Variants in ADGRL3 observed in about 807,000 individuals in gnomAD.
ADGRL3 encodes the protein adhesion G protein-coupled receptor L3.
Under a neutral mutation model 153.5 loss-of-function variants are expected in ADGRL3, and 62 were observed. That is an observed-to-expected ratio of 0.40 (90% CI 0.33 to 0.50). The LOEUF (loss-of-function observed/expected upper bound fraction) is 0.50. Among genes scored for constraint, ADGRL3 ranks in the 20% least tolerant of loss-of-function variants. ADGRL3 has a pLI of 0.47. For missense variants in ADGRL3, 1,641 were observed against 1,859.4 expected (o/e 0.88, Z 2.16); for synonymous variants, 710 against 672.5 (o/e 1.06, Z -0.86).
intron 9 of ADGRL3, among the ~76,000 whole-genome samples, chr4:61,867,539 T>TATATATATATATATATATATATATA (rs1001275572): frequency 7.2e-6 from 1 of 138,742 alleles, no homozygotes; most frequent in Non-Finnish European, 1.6e-5. Flanking sequence ...TATATATATA[T>TATATATATATATATATATATATATA]AATTGTAGGA....
At chr4:61,839,871 G>T (rs1383702808) in intron 9 of ADGRL3, among the ~76,000 whole-genome samples, 3 of 151,412 alleles carry the variant, frequency 2.0e-5, no homozygotes, top group Non-Finnish European at 4.4e-5. Flanking sequence ...GATCACTTGA[G>T]CTCAGGAGTT....
chr4:61,209,017 A>G (rs913392149), intron 1 of ADGRL3, among the ~76,000 whole-genome samples: 19 of 152,248 alleles, frequency 1.2e-4, no homozygotes, highest in African/African-American at 3.9e-4. Context: ...ATACTTTTAA[A>G]TGAGACTTTG....
chr4:61,561,985 A>G (rs1487859458), intron 4 of ADGRL3, among the ~76,000 whole-genome samples: 1 of 151,980 alleles, frequency 6.6e-6, no homozygotes. Flanking sequence ...TCACATATCT[A>G]TATCTATATC....
intron 12 of ADGRL3, among the ~76,000 whole-genome samples, chr4:61,912,005 CA>C (rs1342620898): frequency 6.6e-6 from 1 of 152,266 alleles, no homozygotes; most frequent in African/African-American, 2.4e-5. Flanking sequence ...CCCAGAAAGA[CA>C]TCACTCTCTA....
At chr4:61,724,331 C>A (rs1199233965) in intron 6 of ADGRL3, among the ~76,000 whole-genome samples, 2 of 152,114 alleles carry the variant, frequency 1.3e-5, no homozygotes, top group East Asian at 1.9e-4. Flanking sequence ...GCTGCATTTT[C>A]TTCTAAAAGG....
At chr4:61,780,635 G>A (rs1246865931) in intron 8 of ADGRL3, among the ~76,000 whole-genome samples, 2 of 152,156 alleles carry the variant, frequency 1.3e-5, no homozygotes, top group East Asian at 1.9e-4. Flanking sequence ...AACACATGAT[G>A]GATACCTTCT....
chr4:61,352,637 G>A (rs575616499), intron 1 of ADGRL3, among the ~76,000 whole-genome samples: 2 of 151,896 alleles, frequency 1.3e-5, no homozygotes, highest in African/African-American at 4.8e-5. Flanking sequence ...CACCCGCCTC[G>A]GCCTCCCAAA....
chr4:61,783,346 A>G (rs17828486), intron 8 of ADGRL3, among the ~76,000 whole-genome samples: 8,489 of 152,186 alleles, frequency 0.056, 324 homozygotes, highest in Non-Finnish European at 0.084. Context: ...TTTAATTCCC[A>G]TAGACCTTCA....
intron 1 of ADGRL3, among the ~76,000 whole-genome samples, chr4:61,316,961 C>T (rs950272739): frequency 6.6e-6 from 1 of 152,120 alleles, no homozygotes; most frequent in Non-Finnish European, 1.5e-5. Flanking sequence ...CCTGATAATA[C>T]AGAAATTGAA....
At chr4:61,667,618 T>C (rs1237972672) in intron 5 of ADGRL3, among the ~76,000 whole-genome samples, 2 of 152,192 alleles carry the variant, frequency 1.3e-5, no homozygotes, top group African/African-American at 4.8e-5. Context: ...AAGTCCAAAT[T>C]GAAAATACAT....
At chr4:61,285,533 T>C (rs569435682) in intron 1 of ADGRL3, among the ~76,000 whole-genome samples, 1 of 149,656 alleles carries the variant, frequency 6.7e-6, no homozygotes, top group African/African-American at 2.4e-5. Context: ...AATGGGTTAG[T>C]ATCCTCAAAG....
chr4:61,880,805 T>C (rs2098504230), intron 9 of ADGRL3, among the ~76,000 whole-genome samples: 1 of 152,208 alleles, frequency 6.6e-6, no homozygotes, highest in Admixed American at 6.5e-5. Context: ...TGCAGCTCTT[T>C]CTTTTTCGTT....
At chr4:61,615,379 G>A (rs190443027) in intron 5 of ADGRL3, among the ~76,000 whole-genome samples, 12 of 152,158 alleles carry the variant, frequency 7.9e-5, no homozygotes. Context: ...AGTAATGTAT[G>A]TGCTAAAATA....
chr4:61,291,212 A>ACACG (rs1553895016), intron 1 of ADGRL3, among the ~76,000 whole-genome samples: 29 of 24,944 alleles, frequency 1.2e-3, no homozygotes, highest in Non-Finnish European at 2.5e-3. Context: ...ACACACACAC[A>ACACG]CACACGCACA....
intron 9 of ADGRL3, among the ~76,000 whole-genome samples, chr4:61,887,759 C>T (rs1339739091): frequency 6.6e-6 from 1 of 152,274 alleles, no homozygotes; most frequent in East Asian, 1.9e-4. Flanking sequence ...GCAGGAGAAT[C>T]ACTTGAACCC....
rs193184179 is a variant in ADGRL3 at position 61,868,526 on chromosome 4, T to C, written c.1481-24130T>C. Among the ~76,000 whole-genome samples, 56 of 152,304 alleles carry C rather than the reference T, an allele frequency of 3.7e-4. No individual in the cohort carries two copies. In the East Asian group the frequency reaches 9.7e-3, roughly 26 times the overall value. ...CTCTATAACAAACGAATGAAAGGAA[T>C]GCACTTTACAATGCACACTACCTTT... On this transcript the variant is annotated intron_variant, in intron 9 of 26. Coordinates refer to ENST00000683033, the MANE Select transcript of ADGRL3 (RefSeq NM_001387552.1).
At chr4:61,362,425 C>G (rs1035945947) in intron 1 of ADGRL3, among the ~76,000 whole-genome samples, 20 of 151,998 alleles carry the variant, frequency 1.3e-4, no homozygotes, top group Admixed American at 9.2e-4. Context: ...TCCCCCAACC[C>G]AACACCATGT....
intron 4 of ADGRL3, among the ~76,000 whole-genome samples, chr4:61,535,864 A>G (rs2098652761): frequency 6.6e-6 from 1 of 151,366 alleles, no homozygotes; most frequent in Admixed American, 6.6e-5. Flanking sequence ...TTTTTACTTC[A>G]TTTATTCTTT....
chr4:61,392,136 T>C (rs1185099992), intron 2 of ADGRL3, among the ~76,000 whole-genome samples: 5 of 151,430 alleles, frequency 3.3e-5, no homozygotes, highest in Non-Finnish European at 4.4e-5. Flanking sequence ...CCCAAAGTGC[T>C]GGGATTACAG....
Sources: allele counts gnomAD v4.1 joint callset (sites outside exome capture counted in the v4.1 genomes callset), GRCh38; gene constraint gnomAD v4.1.1; transcripts MANE v1.5; gene names NCBI Gene and HGNC (gene_info 2026-07-23, HGNC 2026-07-21).